MAP1S: variants seen among roughly 807,000 people sequenced by gnomAD.
The protein encoded by MAP1S is microtubule-associated protein 1S.
MAP1S carries 27 observed loss-of-function variants against 60.9 expected under a neutral mutation model. The ratio of observed to expected loss-of-function variants is 0.44; its 90% confidence interval spans 0.33 to 0.61. The LOEUF (loss-of-function observed/expected upper bound fraction) is 0.61, where lower values mean the gene tolerates loss of function less well. Among genes scored for constraint, MAP1S ranks in the 20% least tolerant of loss-of-function variants. The pLI, the probability that MAP1S is intolerant of heterozygous loss-of-function variation, is 0.03. For missense variants in MAP1S, 1,608 were observed against 1,486.6 expected (o/e 1.08, Z -1.34); for synonymous variants, 826 against 694.2 (o/e 1.19, Z -2.98).
chr19:17,729,513 G>GT (rs537037321), intron 5 of MAP1S, among the ~76,000 whole-genome samples: 30 of 151,774 alleles, frequency 2.0e-4, no homozygotes, highest in African/African-American at 4.6e-4. Context: ...GCTGTTCTTT[G>GT]TTTTTTTTCT....
Position 17,725,706 on chromosome 19 carries a change from T to C in MAP1S, c.445-123T>C. 1 of 957,228 alleles carries C rather than the reference T, an allele frequency of 1.0e-6. No individual in the cohort carries two copies. Among genetic ancestry groups the C allele is most frequent in the Non-Finnish European group, 1.5e-6 (1 of 653,446 alleles). The allele number at this position is 957,228 out of a possible 1,614,324, so 59.3% of individuals were successfully genotyped here. ...TGTGGCGCTGGAGAGGGTTGGGTTT[T>C]GGCGGGAGGGCCCTGAGGAGCAGGC... On this transcript the variant is annotated intron_variant, in intron 4 of 6. Transcript: ENST00000324096. This position sits in a 1 kb window ranked among gnomAD's most constrained non-coding sequence, Gnocchi z 4.2.
chr19:17,720,754 G>A (rs963492036), intron 1 of MAP1S, 182 bp from the exon 2 acceptor site: 2 of 644,220 alleles, frequency 3.1e-6, no homozygotes, highest in African/African-American at 3.7e-5. Context: ...GATGAGGTGT[G>A]CTCTGGGTCC....
chr19:17,734,450 C>T lies in MAP1S; in HGVS notation c.*22C>T, dbSNP rs201403714. The T allele has an allele frequency of 6.3e-7, 1 of 1,594,274 alleles. No homozygotes were observed. ...CTAGCCCCATCGCCGACACGCCCCC[C>T]ACTCAGCCCAGCCCGCCTGTCCCTA... On this transcript the variant is annotated 3_prime_UTR_variant, in exon 7 of 7. Transcript: ENST00000324096.
intron 2 of MAP1S, among the ~76,000 whole-genome samples, chr19:17,722,923 C>T (rs2080384304): frequency 6.6e-6 from 1 of 152,184 alleles, no homozygotes; most frequent in Non-Finnish European, 1.5e-5. Flanking sequence ...TGGAGGGTCT[C>T]TGCCTCTCAA....
chr19:17,725,643 G>A lies in MAP1S; in HGVS notation c.445-186G>A, dbSNP rs571415996. ...CTGGGGCAGGGAGGCATTTGAAGGG[G>A]AGGGAGAGACAGGAGGTGAGGCCAG... On this transcript the variant is annotated intron_variant, in intron 4 of 6. Coordinates refer to ENST00000324096, the MANE Select transcript of MAP1S (RefSeq NM_018174.6). This position sits in a 1 kb window ranked among gnomAD's most constrained non-coding sequence, Gnocchi z 4.2. 6.6e-6 allele frequency among the ~76,000 whole-genome samples: 1 copy of A among 152,258 alleles called. No homozygotes were observed. The highest frequency in any genetic ancestry group is 2.1e-4 in the South Asian group (1 of 4,822).
intron 6 of MAP1S, 107 bp downstream of exon 6, chr19:17,733,535 T>G (rs2080512334): frequency 1.1e-6 from 1 of 897,694 alleles, no homozygotes; most frequent in African/African-American, 1.7e-5. Flanking sequence ...CACACGGGAA[T>G]GGGGGCGAAT....
At chr19:17,720,895 G>A in intron 1 of MAP1S, 41 bp from the exon 2 acceptor site, 1 of 1,473,848 alleles carries the variant, frequency 6.8e-7, no homozygotes, top group Non-Finnish European at 9.5e-7. Flanking sequence ...GGAGCTGGGG[G>A]GCCCGGCTGA....
chr19:17,733,710 C>G (rs1206685766), intron 6 of MAP1S, among the ~76,000 whole-genome samples: 1 of 152,180 alleles, frequency 6.6e-6, no homozygotes, highest in East Asian at 1.9e-4. Context: ...AGCCATTGTT[C>G]CGCTGTGAGA....
intron 3 of MAP1S, 150 bp downstream of exon 3, chr19:17,724,358 G>A: frequency 1.5e-6 from 1 of 654,598 alleles, no homozygotes; most frequent in Non-Finnish European, 2.7e-6. Flanking sequence ...CTTCCCTGTG[G>A]CTTCAGCCTC....
At position 17,721,018 on chromosome 19, in the gene MAP1S, C is replaced by T. The variant is rs1283958497; in HGVS notation, c.201C>T (p.Thr67=). 1.2e-5 allele frequency: 20 copies of T among 1,614,052 alleles called. No individual in the cohort carries two copies. The highest frequency in any genetic ancestry group is 1.7e-5 in the Non-Finnish European group (20 of 1,179,986). ...TCTTTGTGTCCCGACACTCTGCCAC[C>T]TTCTCCAGCATTGTGAAAGGTGAGG... ...LKVFVSRHSA[T]FSSIVKGQRS... is the part of the protein sequence containing the mutation. The change falls in exon 2 of 7, where the codon ACC becomes ACT. Residue 67 remains threonine, a synonymous_variant. Coordinates refer to ENST00000324096, the MANE Select transcript of MAP1S (RefSeq NM_018174.6).
chr19:17,722,843 CGAGA>C (rs145948800), intron 2 of MAP1S, among the ~76,000 whole-genome samples: 3 of 147,710 alleles, frequency 2.0e-5, no homozygotes, highest in Admixed American at 6.8e-5. Flanking sequence ...GTGATAAGGG[CGAGA>C]GAGAGAGAAA....
chr19:17,728,248 T>A (rs896358218), intron 5 of MAP1S, 76 bp downstream of exon 5: 2 of 1,444,428 alleles, frequency 1.4e-6, no homozygotes, highest in Non-Finnish European at 1.8e-6. Context: ...CCCCCTGTTT[T>A]TACATTTTCA....
intron 3 of MAP1S, among the ~76,000 whole-genome samples, chr19:17,724,509 G>A (rs112979609): frequency 8.5e-4 from 129 of 152,250 alleles, no homozygotes; most frequent in African/African-American, 2.6e-3. Flanking sequence ...TCCTCCTGTG[G>A]GTTCCCTCCG....
chr19:17,724,775 T>A (rs1443743285), intron 3 of MAP1S, among the ~76,000 whole-genome samples: 1 of 150,944 alleles, frequency 6.6e-6, no homozygotes, highest in East Asian at 2.0e-4. Context: ...GAGGGAGAGG[T>A]GGACTAGAGA....
chr19:17,727,930 C>T lies in MAP1S; in HGVS notation c.2546C>T (p.Pro849Leu). ...SICMVDPEML[P>L]PKTARQTENV... ...TGCATGGTGGACCCCGAGATGCTGCCCCCCAAGACAGCACGGCAAACGGAG... is the reference window on the plus strand; with the variant it reads ...TGCATGGTGGACCCCGAGATGCTGCTCCCCAAGACAGCACGGCAAACGGAG... The change falls in exon 5 of 7, where the codon CCC (proline) becomes CTC (leucine). Residue 849 changes from proline to leucine, a missense_variant. This residue lies in a region of MAP1S where 1,167 missense variants were observed against 961.4 expected (regional missense o/e 1.21). Transcript: ENST00000324096. This position sits in a 1 kb window ranked among gnomAD's most constrained non-coding sequence, Gnocchi z 4.1. 1 of 1,609,130 alleles carries T rather than the reference C, an allele frequency of 6.2e-7. No individual in the cohort carries two copies. The highest frequency in any genetic ancestry group is 8.5e-7 in the Non-Finnish European group (1 of 1,177,466).
chr19:17,722,836 A>C (rs1474592874), intron 2 of MAP1S, among the ~76,000 whole-genome samples: 2 of 151,950 alleles, frequency 1.3e-5, no homozygotes, highest in Non-Finnish European at 2.9e-5. Context: ...GCTAAATGTG[A>C]TAAGGGCGAG....
chr19:17,731,293 G>A (rs2080491228), intron 5 of MAP1S, among the ~76,000 whole-genome samples: 1 of 152,090 alleles, frequency 6.6e-6, no homozygotes, highest in African/African-American at 2.4e-5. Context: ...TTTTGTATGT[G>A]GTGAAAAGAT....
chr19:17,722,503 C>G (rs2080379516), intron 2 of MAP1S, among the ~76,000 whole-genome samples: 1 of 127,416 alleles, frequency 7.8e-6, no homozygotes, highest in Non-Finnish European at 1.7e-5. Context: ...AATCCCAGCA[C>G]TTTGGAAGGC....
intron 1 of MAP1S, chr19:17,720,444 A>G: frequency 6.5e-7 from 1 of 1,534,202 alleles, no homozygotes; most frequent in South Asian, 1.2e-5. Flanking sequence ...TGGTTTGGGG[A>G]TGGACCCAAA....
Sources: allele counts gnomAD v4.1 joint callset (sites outside exome capture counted in the v4.1 genomes callset), GRCh38; gene constraint gnomAD v4.1.1; regional missense constraint gnomAD v4.1.1; non-coding constraint Gnocchi (gnomAD v3.1); transcripts MANE v1.5; gene names NCBI Gene and HGNC (gene_info 2026-07-23, HGNC 2026-07-21).